The following PLEKHA2 variants were observed in gnomAD, a reference collection of about 807,000 sequenced individuals.
The protein encoded by PLEKHA2 is pleckstrin homology domain-containing family A member 2.
In PLEKHA2, 28 loss-of-function variants were observed where a neutral mutation model predicts 53.2. That is an observed-to-expected ratio of 0.53 (90% CI 0.39 to 0.72). The LOEUF is 0.72. Ranked by LOEUF, PLEKHA2 falls within the 30% of genes least tolerant of loss-of-function variation. The pLI is 0.00. For synonymous variants in PLEKHA2, 193 were observed against 196.4 expected (o/e 0.98, Z 0.14); for missense variants, 426 against 537.9 (o/e 0.79, Z 2.06).
chr8:38,931,932 C>T (rs928847650), intron 2 of PLEKHA2, among the ~76,000 whole-genome samples: 2 of 152,132 alleles, frequency 1.3e-5, no homozygotes, highest in Admixed American at 6.6e-5. Flanking sequence ...CCATTTAATT[C>T]TCATTCAGTG....
chr8:38,956,498 A>T (rs1834942987), intron 9 of PLEKHA2, among the ~76,000 whole-genome samples: 1 of 152,134 alleles, frequency 6.6e-6, no homozygotes, highest in South Asian at 2.1e-4. Context: ...ATGGCAGTGG[A>T]GTAATTAAAA....
At chr8:38,956,878 T>C (rs575528278) in intron 9 of PLEKHA2, among the ~76,000 whole-genome samples, 1 of 152,304 alleles carries the variant, frequency 6.6e-6, no homozygotes, top group African/African-American at 2.4e-5. Flanking sequence ...GGGGGAAGTC[T>C]TAAGTGCCCC....
intron 10 of PLEKHA2, among the ~76,000 whole-genome samples, chr8:38,967,298 T>G (rs1689965246): frequency 6.6e-6 from 1 of 152,226 alleles, no homozygotes. Context: ...TAAAAAATTT[T>G]TAAAGTTTTA....
At chr8:38,948,824 G>A (rs1834767015) in intron 5 of PLEKHA2, among the ~76,000 whole-genome samples, 1 of 152,092 alleles carries the variant, frequency 6.6e-6, no homozygotes, top group South Asian at 2.1e-4. Flanking sequence ...TTGTGATGCT[G>A]GGGCACTGGT....
chr8:38,932,838 C>T (rs1381867415), intron 2 of PLEKHA2, among the ~76,000 whole-genome samples: 1 of 152,230 alleles, frequency 6.6e-6, no homozygotes. Context: ...ATTTTCCTGG[C>T]TTCTCCTGGT....
chr8:38,939,316 T>C (rs1834555096), intron 3 of PLEKHA2, among the ~76,000 whole-genome samples: 1 of 152,222 alleles, frequency 6.6e-6, no homozygotes, highest in South Asian at 2.1e-4. Flanking sequence ...GCTTCACCTA[T>C]TGTAAAGCTG....
At chr8:38,937,498 CTTTTT>C (rs200237166) in intron 3 of PLEKHA2, among the ~76,000 whole-genome samples, 2 of 149,748 alleles carry the variant, frequency 1.3e-5, no homozygotes, top group South Asian at 4.3e-4. Flanking sequence ...TTTGGGAAGC[CTTTTT>C]TTTTTATTTT....
chr8:38,958,879 G>A (rs1834991702), intron 10 of PLEKHA2, among the ~76,000 whole-genome samples: 1 of 152,182 alleles, frequency 6.6e-6, no homozygotes, highest in African/African-American at 2.4e-5. Flanking sequence ...TCCATAGGCA[G>A]TTAAACTGTG....
intron 3 of PLEKHA2, among the ~76,000 whole-genome samples, chr8:38,938,838 A>G (rs1294273307): frequency 6.6e-6 from 1 of 151,682 alleles, no homozygotes; most frequent in African/African-American, 2.4e-5. Flanking sequence ...CCTCTTCATG[A>G]GAGGAGGTGA....
chr8:38,931,243 A>G (rs1051301699), intron 2 of PLEKHA2, among the ~76,000 whole-genome samples: 6 of 152,154 alleles, frequency 3.9e-5, no homozygotes, highest in Admixed American at 2.0e-4. Context: ...ATGCCACTGC[A>G]TATCCAGCCT....
chr8:38,920,352 C>T (rs1006025961), intron 2 of PLEKHA2, among the ~76,000 whole-genome samples: 2 of 152,170 alleles, frequency 1.3e-5, no homozygotes, highest in African/African-American at 2.4e-5. Flanking sequence ...GACGGGGTTT[C>T]ACTGTGTTAG....
chr8:38,924,561 A>G (rs1242806092), intron 2 of PLEKHA2, among the ~76,000 whole-genome samples: 4 of 152,104 alleles, frequency 2.6e-5, no homozygotes, highest in Non-Finnish European at 5.9e-5. Context: ...TGTCTCAGGG[A>G]GCTGGGCTTT....
intron 1 of PLEKHA2, among the ~76,000 whole-genome samples, chr8:38,914,731 T>G (rs58726829): frequency 0.011 from 1,689 of 152,276 alleles, 37 homozygotes; most frequent in African/African-American, 0.039. Context: ...CTCTGCTCAT[T>G]GAAAGGGGCC....
At chr8:38,952,739 A>C in intron 8 of PLEKHA2, 35 bp downstream of exon 8, 1 of 1,590,806 alleles carries the variant, frequency 6.3e-7, no homozygotes, top group East Asian at 2.2e-5. Context: ...CTGAGAGGTC[A>C]TGGAAACTAA....
chr8:38,913,279 G>A (rs1162545508), intron 1 of PLEKHA2, among the ~76,000 whole-genome samples: 1 of 151,270 alleles, frequency 6.6e-6, no homozygotes, highest in African/African-American at 2.4e-5. Context: ...CAGGACAATC[G>A]CTTGAACCTG....
intron 2 of PLEKHA2, among the ~76,000 whole-genome samples, chr8:38,933,418 A>AC (rs1443671532): frequency 1.3e-5 from 2 of 152,106 alleles, no homozygotes; most frequent in Non-Finnish European, 2.9e-5. Flanking sequence ...TTTTAAAATT[A>AC]CCCCATGCCA....
chr8:38,949,389 G>A (rs1834783175), intron 5 of PLEKHA2, among the ~76,000 whole-genome samples: 1 of 152,200 alleles, frequency 6.6e-6, no homozygotes, highest in Non-Finnish European at 1.5e-5. Flanking sequence ...GAATGGTAGG[G>A]ACTGTGCAAA....
Position 38,967,989 on chromosome 8 carries a change from T to TTTG in PLEKHA2, c.838-590_838-588dup, listed in dbSNP as rs533573968. Among the ~76,000 whole-genome samples the TTTG allele has an allele frequency of 1.6e-3, 251 of 152,204 alleles. 1 individual carries two copies. The highest frequency in any genetic ancestry group is 5.6e-3 in the African/African-American group (233 of 41,522). On this transcript the variant is annotated intron_variant, in intron 10 of 11. Transcript: ENST00000617275. Reference sequence around the variant, plus strand: ...ACTTTTTAATGGGATGATTTATGGTTTTGTTGTTGTTGTTGAGTTATTTGA... The same window carrying TTTG: ...ACTTTTTAATGGGATGATTTATGGTTTTGTTGTTGTTGTTGTTGAGTTATTTGA...
intron 9 of PLEKHA2, among the ~76,000 whole-genome samples, chr8:38,954,191 G>A (rs1834895187): frequency 6.6e-6 from 1 of 152,186 alleles, no homozygotes; most frequent in African/African-American, 2.4e-5. Context: ...TCCCATGAAG[G>A]CACAAACAGT....
Sources: allele counts gnomAD v4.1 joint callset (sites outside exome capture counted in the v4.1 genomes callset), GRCh38; gene constraint gnomAD v4.1.1; transcripts MANE v1.5; gene names NCBI Gene and HGNC (gene_info 2026-07-23, HGNC 2026-07-21).